The following FERMT3 variants were observed in gnomAD, a reference collection of about 807,000 sequenced individuals.
FERMT3 encodes FERM domain containing kindlin 3, also known as fermitin family homolog 3.
A neutral mutation model predicts 80.8 loss-of-function variants in FERMT3; 33 were observed. The ratio of observed to expected loss-of-function variants is 0.41; its 90% CI spans 0.31 to 0.55. The LOEUF (loss-of-function observed/expected upper bound fraction) is 0.55, where lower values mean the gene tolerates loss of function less well. FERMT3 is among the 20% of genes least tolerant of loss of function. FERMT3 has a pLI of 0.31. For missense variants in FERMT3, 754 were observed against 908.7 expected (o/e 0.83, Z 2.19); for synonymous variants, 375 against 372.2 (o/e 1.01, Z -0.09).
At chr11:64,207,611 C>T in intron 2 of FERMT3, 87 bp downstream of exon 2, 4 of 1,480,724 alleles carry the variant, frequency 2.7e-6, no homozygotes, top group Non-Finnish European at 3.7e-6. Context: ...ATCCCTGCTG[C>T]TCAGCTCCCG....
Position 64,219,194 on chromosome 11 carries a change from C to G in FERMT3, c.787-57C>G. The G allele has an allele frequency of 6.6e-7, 1 of 1,507,348 alleles. No individual in the cohort carries two copies. Among genetic ancestry groups the G allele is most frequent in the Non-Finnish European group, 9.0e-7 (1 of 1,109,116 alleles). The allele number at this position is 1,507,348 out of a possible 1,614,324, so 93.4% of individuals were successfully genotyped here. A position where few individuals can be genotyped will look rare whatever the true frequency, so the allele number is the denominator to read the frequency against. On this transcript the variant is annotated intron_variant, in intron 6 of 14. Transcript: ENST00000345728. This position sits in a 1 kb window ranked among gnomAD's most constrained non-coding sequence, Gnocchi z 4.0. ...CTGGCAGGGGCTCAGTGCAGGGCGT[C>G]CAGGGCAGCTGGCATCTGACCAGCC...
At chr11:64,215,807 C>T (rs879575589) in intron 6 of FERMT3, among the ~76,000 whole-genome samples, 3 of 149,730 alleles carry the variant, frequency 2.0e-5, no homozygotes, top group African/African-American at 4.9e-5. Flanking sequence ...GTTATCCTCC[C>T]GCTTCGGCTT....
rs184091587 is a variant in FERMT3 at position 64,220,640 on chromosome 11, C to G, written c.1516C>G (p.Arg506Gly). ...GLNPYGLVAP[R>G]FQRKFKAKQL... Reference sequence around the variant, plus strand: ...CAACCCCTACGGCCTCGTTGCCCCCCGTTTCCAGCGAAAGTTCAAGGCCAA... The same window carrying G: ...CAACCCCTACGGCCTCGTTGCCCCCGGTTTCCAGCGAAAGTTCAAGGCCAA... The change falls in exon 12 of 15, where the codon CGT (arginine) becomes GGT (glycine). Residue 506 changes from arginine (R) to glycine (G), a missense_variant. Transcript: ENST00000345728. The G allele has an allele frequency of 6.2e-7, 1 of 1,611,520 alleles. No individual in the cohort carries two copies. Among genetic ancestry groups the G allele is most frequent in the Non-Finnish European group, 8.5e-7 (1 of 1,179,358 alleles).
At chr11:64,221,618 G>A (rs182354015) in intron 13 of FERMT3, among the ~76,000 whole-genome samples, 2 of 152,104 alleles carry the variant, frequency 1.3e-5, no homozygotes, top group East Asian at 1.9e-4. Context: ...GTGACAAAGC[G>A]AGACTCTGTC....
chr11:64,217,332 C>A (rs1396813952), intron 6 of FERMT3, among the ~76,000 whole-genome samples: 1 of 152,138 alleles, frequency 6.6e-6, no homozygotes, highest in Admixed American at 6.5e-5. Context: ...GGTGGATCAC[C>A]TGAGGTCAGG....
Position 64,207,351 on chromosome 11 carries a change from C to T in FERMT3, c.-14C>T. The T allele has an allele frequency of 1.2e-6, 2 of 1,614,116 alleles. No homozygotes were observed. Among genetic ancestry groups the T allele is most frequent in the Non-Finnish European group, 1.7e-6 (2 of 1,180,008 alleles). On this transcript the variant is annotated splice_region_variant and 5_prime_UTR_variant, in exon 2 of 15. Transcript: ENST00000345728. ...TTGCCTCCTTCCACACTCTCTGTAG[C>T]AGCAGCCGCAGCCATGGCGGGGATG...
rs745828641 is a variant in FERMT3, at chr11:64,221,185, T to C, written c.1670+45T>C. The C allele has an allele frequency of 6.3e-6, 10 of 1,580,722 alleles. No homozygotes were observed. In the African/African-American group the frequency reaches 1.2e-4, roughly 19 times the overall value. ...CCCCTGCCCAGCACCGTCTCTGCCC[T>C]CACCTGCCACCCGGCTGCTGTGTGC... On this transcript the variant is annotated intron_variant, in intron 13 of 14. Coordinates refer to ENST00000345728, the MANE Select transcript of FERMT3 (RefSeq NM_031471.6).
At position 64,223,201 on chromosome 11, in the gene FERMT3, C is replaced by T. The variant is rs1282201698; in HGVS notation, c.1812+12C>T. On this transcript the variant is annotated intron_variant, in intron 14 of 14. Coordinates refer to ENST00000345728, the MANE Select transcript of FERMT3 (RefSeq NM_031471.6). ...GGGACATCCGGCAGGTGGGCCCAGA[C>T]CCAGGGTATATGGATGGGGGACAGG... is the stretch of plus-strand genomic sequence containing the variant. 5.0e-6 allele frequency: 8 copies of T among 1,613,692 alleles called. No individual in the cohort carries two copies. Among genetic ancestry groups the T allele is most frequent in the Non-Finnish European group, 6.8e-6 (8 of 1,180,042 alleles).
chr11:64,219,210 C>T lies in FERMT3; in HGVS notation c.787-41C>T. ...GCAGGGCGTCCAGGGCAGCTGGCAT[C>T]TGACCAGCCCAGCCTCCAGCCTCCT... On this transcript the variant is annotated intron_variant, in intron 6 of 14. Coordinates refer to ENST00000345728, the MANE Select transcript of FERMT3 (RefSeq NM_031471.6). The surrounding 1 kb of genome is among the most constrained non-coding windows in gnomAD (Gnocchi z 4.0). The T allele has an allele frequency of 6.5e-7, 1 of 1,541,234 alleles. No homozygotes were observed. The highest frequency in any genetic ancestry group is 8.8e-7 in the Non-Finnish European group (1 of 1,137,972).
chr11:64,220,528 C>T lies in FERMT3; in HGVS notation c.1404C>T (p.Ala468=), dbSNP rs201501349. Reference sequence around the variant, plus strand: ...GCAGCTACACCAGCGAGGTGCAGGCCATCCTGGCCTTCCTCAGCCTGCAGC... The same window carrying T: ...GCAGCTACACCAGCGAGGTGCAGGCTATCCTGGCCTTCCTCAGCCTGCAGC... ...ADSSYTSEVQ[A]ILAFLSLQRT... Residue 468 remains alanine (A), a synonymous_variant, in exon 12 of 15, where the codon GCC becomes GCT. Transcript: ENST00000345728. The T allele has an allele frequency of 3.5e-4, 559 of 1,607,960 alleles. 3 individuals carry two copies. In the African/African-American group the frequency reaches 6.6e-3, roughly 19 times the overall value.
At position 64,221,135 on chromosome 11, in the gene FERMT3, G is replaced by C. The variant is rs1391293529; in HGVS notation, c.1665G>C (p.Met555Ile). 3.1e-6 allele frequency: 5 copies of C among 1,608,752 alleles called. No individual in the cohort carries two copies. The highest frequency in any genetic ancestry group is 4.2e-6 in the Non-Finnish European group (5 of 1,179,964). Residue 555 changes from methionine (M) to isoleucine (I), a missense_variant, in exon 13 of 15, where the codon ATG (methionine) becomes ATC (isoleucine). Coordinates refer to ENST00000345728, the MANE Select transcript of FERMT3 (RefSeq NM_031471.6). ...CCGACTTCGGCATCTCCTATGTCATGGTCAGGTATGGCCCCTGGCCCAGCC... is the reference window on the plus strand; with the variant it reads ...CCGACTTCGGCATCTCCTATGTCATCGTCAGGTATGGCCCCTGGCCCAGCC... The part of the protein sequence containing the change: ...SLPDFGISYV[M>I]VRFKGSRKDE...
In FERMT3 at chr11:64,207,342, T is replaced by A. The variant is rs368108733; in HGVS notation, c.-14-9T>A. 4.1e-4 allele frequency: 657 copies of A among 1,613,696 alleles called. No individual in the cohort carries two copies. The highest frequency in any genetic ancestry group is 5.0e-4 in the Non-Finnish European group (586 of 1,179,816). On this transcript the variant is annotated splice_polypyrimidine_tract_variant and intron_variant, in intron 1 of 14. Coordinates refer to ENST00000345728, the MANE Select transcript of FERMT3 (RefSeq NM_031471.6). ...CTGCCCACCTTGCCTCCTTCCACAC[T>A]CTCTGTAGCAGCAGCCGCAGCCATG...
At chr11:64,221,296 T>A (rs547844808) in intron 13 of FERMT3, among the ~76,000 whole-genome samples, 156 bp downstream of exon 13, 1 of 152,174 alleles carries the variant, frequency 6.6e-6, no homozygotes, top group Non-Finnish European at 1.5e-5. Context: ...GAGGGCCCCA[T>A]GTGTGCCCCT....
At chr11:64,209,202 G>A (rs990446579) in intron 2 of FERMT3, among the ~76,000 whole-genome samples, 3 of 152,166 alleles carry the variant, frequency 2.0e-5, no homozygotes, top group Non-Finnish European at 2.9e-5. Context: ...TGTGCACAGC[G>A]AGTCTGAGCT....
chr11:64,216,753 G>A (rs1350243215), intron 6 of FERMT3, among the ~76,000 whole-genome samples: 4 of 135,538 alleles, frequency 3.0e-5, no homozygotes, highest in East Asian at 4.6e-4. Context: ...CCGAGATCAC[G>A]CCACTGCACT....
Position 64,210,505 on chromosome 11 carries a change from A to G in FERMT3, c.161-106A>G. 8.6e-7 allele frequency: 1 copy of G among 1,158,314 alleles called. No individual in the cohort carries two copies. Among genetic ancestry groups the G allele is most frequent in the Non-Finnish European group, 1.3e-6 (1 of 784,764 alleles). The allele number at this position is 1,158,314 out of a possible 1,614,324, so 71.8% of individuals were successfully genotyped here. A position where few individuals can be genotyped will look rare whatever the true frequency, so the allele number is the denominator to read the frequency against. The stretch of plus-strand genomic sequence containing the variant: ...AGGCTGCCCCACTCTTGGCTTAGGC[A>G]GGGCAGGGGAGTGGTCGCCCCAGGC... On this transcript the variant is annotated intron_variant, in intron 2 of 14. Coordinates refer to ENST00000345728, the MANE Select transcript of FERMT3 (RefSeq NM_031471.6). The surrounding 1 kb of genome is among the most constrained non-coding windows in gnomAD (Gnocchi z 4.3).
chr11:64,221,487 C>T (rs1946680066), intron 13 of FERMT3, among the ~76,000 whole-genome samples: 1 of 152,070 alleles, frequency 6.6e-6, no homozygotes, highest in African/African-American at 2.4e-5. Flanking sequence ...AAAAAATTAC[C>T]TGGGCATGGT....
intron 10 of FERMT3, 45 bp from the exon 11 acceptor site, chr11:64,220,175 C>CTCT (rs1946646582): frequency 6.3e-7 from 1 of 1,595,278 alleles, no homozygotes; most frequent in Non-Finnish European, 8.6e-7. Flanking sequence ...CCTCAGGCGG[C>CTCT]TCTTCCCCTC....
intron 6 of FERMT3, among the ~76,000 whole-genome samples, chr11:64,216,486 A>G (rs1485800149): frequency 1.4e-5 from 2 of 138,490 alleles, no homozygotes; most frequent in East Asian, 5.4e-4. Flanking sequence ...GGCGTGAGCC[A>G]CCGGGCCCAG....
Sources: gnomAD v4.1 joint callset for allele counts (sites outside exome capture counted in the v4.1 genomes callset) on GRCh38, gnomAD v4.1.1 for gene constraint, Gnocchi (gnomAD v3.1) non-coding constraint, MANE v1.5 for transcripts, NCBI Gene and HGNC (gene_info 2026-07-23, HGNC 2026-07-21) for gene names.